Variants in G2E3 observed in about 807,000 individuals in gnomAD.
G2E3 encodes G2/M phase-specific E3 ubiquitin-protein ligase.
Under a neutral mutation model 92.8 loss-of-function variants are expected in G2E3, and 35 were observed. The observed-to-expected ratio is 0.38, with a 90% CI of 0.29 to 0.50. G2E3 has a LOEUF of 0.50. G2E3 is among the 20% of genes least tolerant of loss of function. The pLI is 0.94. For synonymous variants in G2E3, 242 were observed against 272.4 expected, an observed-to-expected ratio of 0.89 and a Z score of 1.10; for missense variants, 554 against 823.8, an observed-to-expected ratio of 0.67 and a Z score of 4.01.
In G2E3 at chr14:30,617,592, A is replaced by G. The variant is rs889311880; in HGVS notation, c.*1058A>G. On this transcript the variant is annotated 3_prime_UTR_variant, in exon 15 of 15. Coordinates refer to ENST00000206595, the MANE Select transcript of G2E3 (RefSeq NM_017769.5). ...ATACAGTTATCTTCATTGCTCTTGA[A>G]TGATATCTGTTATATAAGCAATGTA... 1 of 152,130 alleles carries G rather than the reference A, an allele frequency of 6.6e-6. No homozygotes were observed. The allele number at this position is 152,130 out of a possible 1,614,324, so 9.4% of individuals were successfully genotyped here. A position where few individuals can be genotyped will look rare whatever the true frequency, so the allele number is the denominator to read the frequency against.
Position 30,608,138 on chromosome 14 carries a change from C to T in G2E3, c.1500+69C>T, listed in dbSNP as rs1210238965. The T allele has an allele frequency of 5.9e-6, 5 of 854,420 alleles. No individual in the cohort carries two copies. In the East Asian group the frequency reaches 1.4e-4, roughly 23 times the overall value. 52.9% of individuals were successfully genotyped at this position (854,420 alleles called of 1,614,324 possible). A position where few individuals can be genotyped will look rare whatever the true frequency, so the allele number is the denominator to read the frequency against. ...GTATCTTTTAATGTAAATGACTGAT[C>T]TGCAATAAAATAATAGTATTATCTA... On this transcript the variant is annotated intron_variant, in intron 12 of 14. Transcript: ENST00000206595.
intron 1 of G2E3, among the ~76,000 whole-genome samples, chr14:30,575,853 T>C (rs535898623): frequency 6.6e-6 from 1 of 152,108 alleles, no homozygotes; most frequent in Non-Finnish European, 1.5e-5. Context: ...AAAGCACTGC[T>C]CAAAGAAATC....
At chr14:30,599,497 G>C (rs1208675510) in intron 8 of G2E3, among the ~76,000 whole-genome samples, 1 of 152,148 alleles carries the variant, frequency 6.6e-6, no homozygotes, top group African/African-American at 2.4e-5. Flanking sequence ...AAAGTGCTGG[G>C]ATTACAGGCA....
At position 30,602,474 on chromosome 14, in the gene G2E3, T is replaced by C. The variant is rs190365516; in HGVS notation, c.1010+343T>C. 2.6e-5 allele frequency among the ~76,000 whole-genome samples: 4 copies of C among 152,312 alleles called. No individual in the cohort carries two copies. In the East Asian group the frequency reaches 7.7e-4, roughly 29 times the overall value. Reference sequence around the variant, plus strand: ...TTTTTATTATAGATCACTTTCAAGATAGTTTGAAAAACACTGGTCTGGAAA... The same window carrying C: ...TTTTTATTATAGATCACTTTCAAGACAGTTTGAAAAACACTGGTCTGGAAA... On this transcript the variant is annotated intron_variant, in intron 10 of 14. Transcript: ENST00000206595.
At chr14:30,581,460 A>G (rs997119953) in intron 2 of G2E3, among the ~76,000 whole-genome samples, 16 of 152,246 alleles carry the variant, frequency 1.1e-4, no homozygotes, top group Non-Finnish European at 1.9e-4. Flanking sequence ...CAATTCCAGC[A>G]CTTTACGAGG....
intron 1 of G2E3, among the ~76,000 whole-genome samples, chr14:30,562,144 T>A (rs1480228039): frequency 6.6e-6 from 1 of 152,146 alleles, no homozygotes; most frequent in African/African-American, 2.4e-5. Flanking sequence ...TTAAAATGTA[T>A]TTTTAAAATA....
At chr14:30,567,629 T>C (rs527481971) in intron 1 of G2E3, among the ~76,000 whole-genome samples, 2 of 152,134 alleles carry the variant, frequency 1.3e-5, no homozygotes, top group East Asian at 3.9e-4. Flanking sequence ...ATTTAAAAAT[T>C]TTTTTATTAC....
chr14:30,584,998 A>AT (rs1212770267), intron 2 of G2E3, among the ~76,000 whole-genome samples: 1 of 151,378 alleles, frequency 6.6e-6, no homozygotes, highest in Non-Finnish European at 1.5e-5. Flanking sequence ...TGCCCAGCTA[A>AT]TTTTTGTATT....
chr14:30,562,919 A>G (rs1026006266), intron 1 of G2E3, among the ~76,000 whole-genome samples: 1 of 152,226 alleles, frequency 6.6e-6, no homozygotes, highest in Admixed American at 6.5e-5. Context: ...ACCCACGTGA[A>G]CTTACCTATC....
In G2E3 at chr14:30,601,899, T is replaced by G. The variant is rs754285953; in HGVS notation, c.877+5T>G. On this transcript the variant is annotated splice_donor_5th_base_variant and intron_variant, in intron 9 of 14. Coordinates refer to ENST00000206595, the MANE Select transcript of G2E3 (RefSeq NM_017769.5). The stretch of plus-strand genomic sequence containing the variant: ...GGGGTATTATCTACAATTCAGGTAA[T>G]TTTTTTGTAATTTTGAATAAAGTTT... 6.2e-7 allele frequency: 1 copy of G among 1,610,604 alleles called. No individual in the cohort carries two copies. The highest frequency in any genetic ancestry group is 1.7e-5 in the Admixed American group (1 of 59,588).
chr14:30,608,551 AG>A (rs1881938063), intron 12 of G2E3, among the ~76,000 whole-genome samples: 1 of 152,236 alleles, frequency 6.6e-6, no homozygotes, highest in South Asian at 2.1e-4. Context: ...TTTCTTCCAA[AG>A]GGAAACAAGT....
intron 14 of G2E3, among the ~76,000 whole-genome samples, chr14:30,615,889 G>T (rs1211074708): frequency 2.0e-5 from 3 of 152,012 alleles, no homozygotes; most frequent in Non-Finnish European, 2.9e-5. Context: ...TCACCCACTG[G>T]TCAGGGCTAT....
chr14:30,579,694 G>A (rs1594476083), intron 1 of G2E3, among the ~76,000 whole-genome samples: 2 of 152,112 alleles, frequency 1.3e-5, no homozygotes, highest in South Asian at 4.1e-4. Context: ...AAGTACCATG[G>A]TGTAACCTGC....
In G2E3 at chr14:30,612,324, G is replaced by C; in HGVS notation, c.1618G>C (p.Val540Leu). 1 of 1,607,456 alleles carries C rather than the reference G, an allele frequency of 6.2e-7. No individual in the cohort carries two copies. The highest frequency in any genetic ancestry group is 1.1e-5 in the South Asian group (1 of 90,334). Residue 540 changes from valine (V) to leucine (L), a missense_variant, in exon 13 of 15, where the codon GTA becomes CTA. Physicochemically the swap from Val to Leu is conservative, Grantham distance 32 (BLOSUM62 1). Coordinates refer to ENST00000206595, the MANE Select transcript of G2E3 (RefSeq NM_017769.5). ...GACATTAAGTGATAAATATATGTTAGTAAAAGACATACTTGGCTACCATGT... is the reference window on the plus strand; with the variant it reads ...GACATTAAGTGATAAATATATGTTACTAAAAGACATACTTGGCTACCATGT... ...ITTLSDKYML[V>L]KDILGYHVIQ...
chr14:30,594,692 CAA>C (rs959599969), intron 6 of G2E3, among the ~76,000 whole-genome samples: 1 of 131,786 alleles, frequency 7.6e-6, no homozygotes. Flanking sequence ...GACTCCATCT[CAA>C]AAAAAAAAAG....
chr14:30,596,131 T>TGTGC (rs1881274735), intron 6 of G2E3, among the ~76,000 whole-genome samples: 2 of 68,466 alleles, frequency 2.9e-5, no homozygotes, highest in African/African-American at 1.3e-4. Flanking sequence ...GGTGGGTGGG[T>TGTGC]GTGCGTGTGT....
intron 1 of G2E3, chr14:30,577,919 G>A (rs1392568110): frequency 6.6e-6 from 1 of 152,112 alleles, no homozygotes; most frequent in African/African-American, 2.4e-5. Context: ...TCCAGGGAAG[G>A]GAATGGTTTT....
At chr14:30,590,779 A>T (rs1454910758) in intron 4 of G2E3, 1 of 455,302 alleles carries the variant, frequency 2.2e-6, no homozygotes, top group East Asian at 6.9e-5. Flanking sequence ...TATTAGTATC[A>T]TAATTCCTAA....
At chr14:30,598,338 G>A in intron 7 of G2E3, 145 bp from the exon 8 acceptor site, 2 of 556,362 alleles carry the variant, frequency 3.6e-6, no homozygotes, top group Non-Finnish European at 6.4e-6. Flanking sequence ...AGTGACCTGA[G>A]ATTGCACCAC....
Sources: gnomAD v4.1 joint callset for allele counts (sites outside exome capture counted in the v4.1 genomes callset) on GRCh38, gnomAD v4.1.1 for gene constraint, MANE v1.5 for transcripts, NCBI Gene and HGNC (gene_info 2026-07-23, HGNC 2026-07-21) for gene names.